The following ZNF229 variants were observed in gnomAD, a reference collection of about 807,000 sequenced individuals.
ZNF229 encodes the protein zinc finger protein 229.
ZNF229 carries 10 observed loss-of-function variants against 11.8 expected under a neutral mutation model. That is an observed-to-expected ratio of 0.85 (90% CI 0.52 to 1.44). ZNF229 has a LOEUF of 1.44. Among genes scored for constraint, ZNF229 ranks in the 40% most tolerant of loss-of-function variants. The pLI is 0.00. For missense variants in ZNF229, 1,045 were observed against 1,015.1 expected (o/e 1.03, Z -0.40); for synonymous variants, 368 against 374.8 (o/e 0.98, Z 0.21).
intron 5 of ZNF229, among the ~76,000 whole-genome samples, chr19:44,430,874 CCTAT>C (rs1971712010): frequency 6.6e-6 from 1 of 152,170 alleles, no homozygotes; most frequent in South Asian, 2.1e-4. Flanking sequence ...TGTAACACTT[CCTAT>C]CTGCCAATGA....
Position 44,428,943 on chromosome 19 carries a change from G to A in ZNF229, c.1838C>T (p.Ser613Phe), listed in dbSNP as rs1435316745. 8 of 1,613,606 alleles carry A rather than the reference G, an allele frequency of 5.0e-6. No individual in the cohort carries two copies. The highest frequency in any genetic ancestry group is 2.2e-5 in the East Asian group (1 of 44,848). ...GACCCTCTGATGGATAAGGAGGTCG[G>A]AGCTGTAGATGAAACCCTTCCCACA... ...DVCGKGFIYS[S>F]DLLIHQRVHT... is the part of the protein sequence containing the mutation. Residue 613 changes from serine (S) to phenylalanine (F), a missense_variant, in exon 6 of 6, where the codon TCC becomes TTC. By Grantham distance (155) the Ser-to-Phe change is radical. Coordinates refer to ENST00000614049, the MANE Select transcript of ZNF229 (RefSeq NM_014518.4).
In ZNF229 at chr19:44,429,576, T is replaced by C. The variant is rs866235122; in HGVS notation, c.1205A>G (p.Glu402Gly). The C allele has an allele frequency of 6.2e-7, 1 of 1,613,956 alleles. No individual in the cohort carries two copies. Among genetic ancestry groups the C allele is most frequent in the East Asian group, 2.2e-5 (1 of 44,894 alleles). Residue 402 changes from glutamate to glycine, a missense_variant, in exon 6 of 6, where the codon GAG becomes GGG. Glu to Gly is a moderately conservative substitution (Grantham distance 98). Transcript: ENST00000614049. ...ACACTCGCTGCATTTATATGGTTTC[T>C]CTCCAGTGTGGACCCTCTGATGGAC... ...LLVHQRVHTG[E>G]KPYKCSECGK... is the part of the protein sequence containing the mutation.
rs778987213 is a variant in ZNF229 at position 44,429,582 on chromosome 19, G to T, written c.1199C>A (p.Thr400Asn). 23 of 1,614,102 alleles carry T rather than the reference G, an allele frequency of 1.4e-5. No homozygotes were observed. Among genetic ancestry groups the T allele is most frequent in the Non-Finnish European group, 1.9e-5 (23 of 1,180,044 alleles). Residue 400 changes from threonine (T) to asparagine (N), a missense_variant, in exon 6 of 6, where the codon ACT (threonine) becomes AAT (asparagine). Coordinates refer to ENST00000614049, the MANE Select transcript of ZNF229 (RefSeq NM_014518.4). ...SNLLVHQRVH[T>N]GEKPYKCSEC... ...GCTGCATTTATATGGTTTCTCTCCA[G>T]TGTGGACCCTCTGATGGACAAGCAG... is the stretch of plus-strand genomic sequence containing the variant.
At chr19:44,440,595 G>A (rs1026729673) in intron 4 of ZNF229, among the ~76,000 whole-genome samples, 2 of 152,112 alleles carry the variant, frequency 1.3e-5, no homozygotes, top group African/African-American at 4.8e-5. Context: ...GGTGAATGGA[G>A]AAGCCACAAT....
In ZNF229 at chr19:44,445,069, G is replaced by T. The variant is rs1157537474; in HGVS notation, c.-177-2045C>A. The stretch of plus-strand genomic sequence containing the variant: ...ATGTTCAAAAGAAAAGTCCAGATTT[G>T]CCCCTAGAGGTACTTCTCTCCTTTG... On this transcript the variant is annotated intron_variant, in intron 2 of 5. Coordinates refer to ENST00000614049, the MANE Select transcript of ZNF229 (RefSeq NM_014518.4). Among the ~76,000 whole-genome samples the T allele has an allele frequency of 2.0e-5, 3 of 152,228 alleles. No homozygotes were observed. The East Asian group carries it at 5.8e-4, about 29-fold the overall frequency.
At chr19:44,437,243 T>C (rs528877944) in intron 4 of ZNF229, among the ~76,000 whole-genome samples, 3 of 152,252 alleles carry the variant, frequency 2.0e-5, no homozygotes, top group South Asian at 4.1e-4. Context: ...CTTTTGAAAC[T>C]ACATGAAACT....
rs185368876 is a variant in ZNF229 at position 44,430,283 on chromosome 19, G to A, written c.498C>T (p.Ile166=). 3.8e-5 allele frequency: 61 copies of A among 1,614,110 alleles called. No homozygotes were observed. Among genetic ancestry groups the A allele is most frequent in the African/African-American group, 1.7e-4 (13 of 74,978 alleles). The change falls in exon 6 of 6, where the codon ATC becomes ATT. Residue 166 remains isoleucine (I), a synonymous_variant. Transcript: ENST00000614049. ...FLDSLQGDGL[I]GLENQQFPAW... ...CTGGAAACTGTTGATTTTCTAGACC[G>A]ATAAGCCCATCCCCTTGTAGACTGT...
intron 4 of ZNF229, among the ~76,000 whole-genome samples, chr19:44,436,751 A>T (rs1971821610): frequency 6.6e-6 from 1 of 152,190 alleles, no homozygotes. Context: ...CCTGGGTGAC[A>T]CAGCGAGACT....
At chr19:44,437,161 A>G (rs970696567) in intron 4 of ZNF229, among the ~76,000 whole-genome samples, 1 of 152,124 alleles carries the variant, frequency 6.6e-6, no homozygotes, top group African/African-American at 2.4e-5. Context: ...TGCTGATGAG[A>G]AAAACATTTT....
At chr19:44,446,208 ATT>A (rs892793763) in intron 2 of ZNF229, among the ~76,000 whole-genome samples, 2 of 152,198 alleles carry the variant, frequency 1.3e-5, no homozygotes, top group African/African-American at 4.8e-5. Flanking sequence ...TAAAAGAATA[ATT>A]CCATGTAGGG....
intron 5 of ZNF229, among the ~76,000 whole-genome samples, chr19:44,430,823 C>T (rs990513329): frequency 4.0e-4 from 61 of 152,154 alleles, no homozygotes; most frequent in Admixed American, 3.5e-3. Context: ...TTCACTTCTT[C>T]GCTTAATAAT....
At position 44,430,253 on chromosome 19, in the gene ZNF229, C is replaced by A. The variant is rs772729226; in HGVS notation, c.528G>T (p.Trp176Cys). The A allele has an allele frequency of 2.5e-6, 4 of 1,614,128 alleles. No individual in the cohort carries two copies. The highest frequency in any genetic ancestry group is 3.4e-6 in the Non-Finnish European group (4 of 1,180,034). Reference protein sequence around the residue: ...IGLENQQFPAWRAIRPIPIQG... With the variant: ...IGLENQQFPACRAIRPIPIQG... ...GAATGGGGATTGGTCTTATAGCTCT[C>A]CAGGCTGGAAACTGTTGATTTTCTA... is the stretch of plus-strand genomic sequence containing the variant. The change falls in exon 6 of 6, where the codon TGG (tryptophan) becomes TGT (cysteine). Residue 176 changes from tryptophan to cysteine, a missense_variant. Trp to Cys is a radical substitution (Grantham distance 215). Transcript: ENST00000614049.
chr19:44,440,448 G>T (rs567779791), intron 4 of ZNF229, among the ~76,000 whole-genome samples: 1 of 152,010 alleles, frequency 6.6e-6, no homozygotes, highest in Non-Finnish European at 1.5e-5. Context: ...ATTGACATCA[G>T]GCACAAACAG....
In ZNF229 at chr19:44,428,018, G is replaced by A; in HGVS notation, c.*285C>T. 1 of 325,390 alleles carries A rather than the reference G, an allele frequency of 3.1e-6. No individual in the cohort carries two copies. The highest frequency in any genetic ancestry group is 5.6e-6 in the Non-Finnish European group (1 of 177,638). The allele number at this position is 325,390 out of a possible 1,614,324, so 20.2% of individuals were successfully genotyped here. ...GTACATTGTAAAAGCTCCCTCCCAG[G>A]CAGATTCTGATGGAAGTGAGGATTA... On this transcript the variant is annotated 3_prime_UTR_variant, in exon 6 of 6. Coordinates refer to ENST00000614049, the MANE Select transcript of ZNF229 (RefSeq NM_014518.4).
In ZNF229 at chr19:44,441,171, C is replaced by T. The variant is rs116042964; in HGVS notation, c.93+1392G>A. On this transcript the variant is annotated intron_variant, in intron 4 of 5. Coordinates refer to ENST00000614049, the MANE Select transcript of ZNF229 (RefSeq NM_014518.4). Reference sequence around the variant, plus strand: ...AAGAAAGTTGTGGTAAAAGGAGAGGCGGTGAGCAATGACTTAAATACACAG... The same window carrying T: ...AAGAAAGTTGTGGTAAAAGGAGAGGTGGTGAGCAATGACTTAAATACACAG... Among the ~76,000 whole-genome samples, 610 of 152,098 alleles carry T rather than the reference C, an allele frequency of 4.0e-3. 2 individuals carry two copies. Among genetic ancestry groups the T allele is most frequent in the African/African-American group, 0.014 (585 of 41,478 alleles).
In ZNF229 at chr19:44,429,322, T is replaced by C. The variant is rs773852340; in HGVS notation, c.1459A>G (p.Arg487Gly). ...SSHQKTHTGE[R>G]PYQCDKCGKG... ...CCACACTTGTCACACTGGTAGGGCC[T>C]CTCGCCGGTGTGTGTCTTCTGATGA... Residue 487 changes from arginine to glycine, a missense_variant, in exon 6 of 6, where the codon AGG (arginine) becomes GGG (glycine). Coordinates refer to ENST00000614049, the MANE Select transcript of ZNF229 (RefSeq NM_014518.4). The C allele has an allele frequency of 1.9e-6, 3 of 1,614,102 alleles. No homozygotes were observed. Among genetic ancestry groups the C allele is most frequent in the Middle Eastern group, 1.6e-4 (1 of 6,062 alleles).
chr19:44,447,288 G>A (rs938307061), intron 2 of ZNF229, among the ~76,000 whole-genome samples: 4 of 152,176 alleles, frequency 2.6e-5, no homozygotes, highest in Non-Finnish European at 5.9e-5. Flanking sequence ...TCAGCATGGC[G>A]CTGAAACAGT....
intron 4 of ZNF229, among the ~76,000 whole-genome samples, chr19:44,442,162 G>C (rs1338281828): frequency 1.3e-5 from 2 of 151,974 alleles, no homozygotes; most frequent in Admixed American, 1.3e-4. Flanking sequence ...CTTTTGGTAG[G>C]GTCTACTACA....
chr19:44,444,751 C>A (rs1256162959), intron 2 of ZNF229, among the ~76,000 whole-genome samples: 1 of 152,172 alleles, frequency 6.6e-6, no homozygotes, highest in African/African-American at 2.4e-5. Context: ...CAAAGTGAGT[C>A]CAGGGGCCAC....
Sources: allele counts gnomAD v4.1 joint callset (sites outside exome capture counted in the v4.1 genomes callset), GRCh38; gene constraint gnomAD v4.1.1; transcripts MANE v1.5; gene names NCBI Gene and HGNC (gene_info 2026-07-23, HGNC 2026-07-21).